NSD1: variants seen among roughly 807,000 people sequenced by gnomAD.
The protein encoded by NSD1 is nuclear receptor binding SET domain protein 1, also known as histone-lysine N-methyltransferase, H3 lysine-36 specific.
In NSD1, 26 loss-of-function variants were observed where a neutral mutation model predicts 242.7. The ratio of observed to expected loss-of-function variants is 0.11; its 90% CI spans 0.08 to 0.15. NSD1 has a LOEUF of 0.15. Ranked by LOEUF, NSD1 falls within the 10% of genes least tolerant of loss-of-function variation. The pLI is 1.00. For synonymous variants in NSD1, 1,106 were observed against 1,178.1 expected (o/e 0.94, Z 1.25); for missense variants, 2,495 against 3,272.8 (o/e 0.76, Z 5.80).
intron 5 of NSD1, among the ~76,000 whole-genome samples, chr5:177,219,304 G>C (rs1562223546): frequency 6.6e-6 from 1 of 151,798 alleles, no homozygotes; most frequent in Non-Finnish European, 1.5e-5. Flanking sequence ...TCCTGCCTCA[G>C]CCTCCCAAGT....
At chr5:177,158,293 C>CTTTCTTTTCTTTCT (rs57903249) in intron 2 of NSD1, among the ~76,000 whole-genome samples, 920 of 77,458 alleles carry the variant, frequency 0.012, 6 homozygotes, top group Non-Finnish European at 0.015. Flanking sequence ...TTCTTTCTTT[C>CTTTCTTTTCTTTCT]TTTCTTTCTT....
chr5:177,235,854 C>G lies in NSD1; in HGVS notation c.3830C>G (p.Pro1277Arg). The G allele has an allele frequency of 6.2e-7, 1 of 1,613,956 alleles. No individual in the cohort carries two copies. Among genetic ancestry groups the G allele is most frequent in the Non-Finnish European group, 8.5e-7 (1 of 1,179,912 alleles). Reference sequence around the variant, plus strand: ...TCAGAGAAGAAACGCCTTAGGAAGCCAAGCAAGTGGCTTTTGGAATATACA... The same window carrying G: ...TCAGAGAAGAAACGCCTTAGGAAGCGAAGCAAGTGGCTTTTGGAATATACA... ...VRSEKKRLRK[P>R]SKWLLEYTEE... The change falls in exon 6 of 23, where the codon CCA becomes CGA. Residue 1277 changes from proline (P) to arginine (R), a missense_variant. This residue lies in a region of NSD1 where 426 missense variants were observed against 411.4 expected (regional missense o/e 1.04). Coordinates refer to ENST00000439151, the MANE Select transcript of NSD1 (RefSeq NM_022455.5).
intron 2 of NSD1, among the ~76,000 whole-genome samples, chr5:177,138,965 T>A (rs1756579655): frequency 1.4e-5 from 2 of 145,542 alleles, no homozygotes; most frequent in Admixed American, 6.8e-5. Context: ...AAAAGTGAGG[T>A]CAGGGTGGGC....
intron 14 of NSD1, chr5:177,266,387 G>A (rs1334595617): frequency 9.0e-6 from 6 of 667,944 alleles, no homozygotes; most frequent in East Asian, 3.2e-5. Flanking sequence ...AACATGCAGA[G>A]GATGCTTGTG....
intron 5 of NSD1, among the ~76,000 whole-genome samples, chr5:177,213,978 G>T (rs550532179): frequency 8.8e-5 from 13 of 147,464 alleles, no homozygotes; most frequent in African/African-American, 2.2e-4. Context: ...ACCTTTTTTG[G>T]TTTTTTTTTT....
chr5:177,146,205 G>GTTTTT (rs34454786), intron 2 of NSD1, among the ~76,000 whole-genome samples: 1 of 115,012 alleles, frequency 8.7e-6, no homozygotes, highest in Non-Finnish European at 1.7e-5. Context: ...TTCACCAATC[G>GTTTTT]TTTTTTTTTT....
At chr5:177,285,289 C>T (rs980816626) in intron 20 of NSD1, among the ~76,000 whole-genome samples, 2 of 151,998 alleles carry the variant, frequency 1.3e-5, no homozygotes, top group African/African-American at 2.4e-5. Flanking sequence ...TGTGGCTGGG[C>T]GCGATGGTTC....
At chr5:177,156,898 GA>G (rs1463813568) in intron 2 of NSD1, among the ~76,000 whole-genome samples, 1 of 151,956 alleles carries the variant, frequency 6.6e-6, no homozygotes, top group Non-Finnish European at 1.5e-5. Context: ...TTGTGCCCAG[GA>G]GGCAGAGGTT....
intron 13 of NSD1, among the ~76,000 whole-genome samples, chr5:177,258,365 TTTTGTTTG>T (rs1006832970): frequency 6.6e-6 from 1 of 152,008 alleles, no homozygotes; most frequent in Admixed American, 6.6e-5. Context: ...TTGATTTGTT[TTTTGTTTG>T]TTTGTTTTTT....
chr5:177,201,598 G>A (rs1333911003), intron 3 of NSD1, among the ~76,000 whole-genome samples: 1 of 124,458 alleles, frequency 8.0e-6, no homozygotes, highest in Non-Finnish European at 1.7e-5. Flanking sequence ...TCTCACTCTT[G>A]TCCAGGCTAG....
intron 5 of NSD1, among the ~76,000 whole-genome samples, chr5:177,229,241 C>T (rs906039021): frequency 2.0e-5 from 3 of 152,052 alleles, no homozygotes; most frequent in African/African-American, 7.2e-5. Context: ...GTAGTGTATA[C>T]TCTGAGGTCT....
chr5:177,255,672 T>C (rs1027610731), intron 12 of NSD1, among the ~76,000 whole-genome samples: 3 of 152,078 alleles, frequency 2.0e-5, no homozygotes, highest in African/African-American at 7.2e-5. Flanking sequence ...AACCTCCACC[T>C]CCCAGGTTCA....
rs1485405123 is a variant in NSD1, at chr5:177,273,800, T to G, written c.5622+16T>G. On this transcript the variant is annotated intron_variant, in intron 17 of 22. Coordinates refer to ENST00000439151, the MANE Select transcript of NSD1 (RefSeq NM_022455.5). ...ACATATAAAGGTGAGGAGAAAATCTTGGGGGACCTTCTCTAGAAGAGAAAT... is the reference window on the plus strand; with the variant it reads ...ACATATAAAGGTGAGGAGAAAATCTGGGGGGACCTTCTCTAGAAGAGAAAT... 2 of 1,526,242 alleles carry G rather than the reference T, an allele frequency of 1.3e-6. No homozygotes were observed. The highest frequency in any genetic ancestry group is 1.8e-6 in the Non-Finnish European group (2 of 1,100,504). 94.5% of individuals were successfully genotyped at this position (1,526,242 alleles called of 1,614,324 possible). A position where few individuals can be genotyped will look rare whatever the true frequency, so the allele number is the denominator to read the frequency against.
At chr5:177,224,317 A>G (rs915291189) in intron 5 of NSD1, among the ~76,000 whole-genome samples, 4 of 152,106 alleles carry the variant, frequency 2.6e-5, no homozygotes, top group African/African-American at 9.7e-5. Flanking sequence ...TTTTCATCCA[A>G]TTAGATTCGT....
At chr5:177,170,420 G>T (rs1395011431) in intron 2 of NSD1, among the ~76,000 whole-genome samples, 1 of 147,814 alleles carries the variant, frequency 6.8e-6, no homozygotes, top group African/African-American at 2.5e-5. Context: ...GCGTGATCTC[G>T]GCTCACTGCA....
At chr5:177,236,324 A>G (rs1445950942) in intron 6 of NSD1, among the ~76,000 whole-genome samples, 7 of 152,178 alleles carry the variant, frequency 4.6e-5, no homozygotes, top group Non-Finnish European at 7.4e-5. Context: ...TGAAATAGAG[A>G]CATCTTGACA....
At chr5:177,286,419 C>G (rs1318248657) in intron 20 of NSD1, among the ~76,000 whole-genome samples, 4 of 152,112 alleles carry the variant, frequency 2.6e-5, no homozygotes. Flanking sequence ...AGATTTATTT[C>G]AAGTTTTTGG....
chr5:177,143,804 T>G (rs910730479), intron 2 of NSD1, among the ~76,000 whole-genome samples: 16 of 120,278 alleles, frequency 1.3e-4, no homozygotes, highest in Non-Finnish European at 2.1e-4. Context: ...TTTTTTTTTT[T>G]GAGACAGAGT....
At position 177,269,725 on chromosome 5, in the gene NSD1, G is replaced by T. The variant is rs1278387729; in HGVS notation, c.5427G>T (p.Gln1809His). Residue 1809 changes from glutamine to histidine, a missense_variant, in exon 16 of 23, where the codon CAG (glutamine) becomes CAT (histidine). Transcript: ENST00000439151. The surrounding 1 kb of genome is among the most constrained non-coding windows in gnomAD (Gnocchi z 5.1). ...FGSNDYLWTH[Q>H]ARVFPYMEGD... ...CTAATGACTATTTGTGGACTCACCA[G>T]GCCCGAGTCTTCCCTTACATGGAGG... The T allele has an allele frequency of 6.2e-7, 1 of 1,614,088 alleles. No individual in the cohort carries two copies. The highest frequency in any genetic ancestry group is 8.5e-7 in the Non-Finnish European group (1 of 1,180,020).
Sources: allele counts gnomAD v4.1 joint callset (sites outside exome capture counted in the v4.1 genomes callset), GRCh38; gene constraint gnomAD v4.1.1; regional missense constraint gnomAD v4.1.1; non-coding constraint Gnocchi (gnomAD v3.1); transcripts MANE v1.5; gene names NCBI Gene and HGNC (gene_info 2026-07-23, HGNC 2026-07-21).